The following GOLGA3 variants were observed in gnomAD, a reference collection of about 807,000 sequenced individuals.
GOLGA3 encodes golgin A3.
GOLGA3 carries 75 observed loss-of-function variants against 169.4 expected under a neutral mutation model. That is an observed-to-expected ratio of 0.44 (90% CI 0.37 to 0.54). The LOEUF (loss-of-function observed/expected upper bound fraction) is 0.54, where lower values mean the gene tolerates loss of function less well. Among genes scored for constraint, GOLGA3 ranks in the 20% least tolerant of loss-of-function variants. GOLGA3 has a pLI of 0.00. For missense variants in GOLGA3, 1,899 were observed against 1,930.0 expected (o/e 0.98, Z 0.30); for synonymous variants, 824 against 822.4 (o/e 1.00, Z -0.03).
intron 21 of GOLGA3, among the ~76,000 whole-genome samples, chr12:132,775,950 AGCGCG>A (rs1282942627): frequency 6.6e-6 from 1 of 152,232 alleles, no homozygotes; most frequent in Non-Finnish European, 1.5e-5. Context: ...CGTGACACAC[AGCGCG>A]GCCAAGGGAT....
chr12:132,825,103 T>C (rs2136822705), intron 1 of GOLGA3, among the ~76,000 whole-genome samples: 1 of 152,152 alleles, frequency 6.6e-6, no homozygotes, highest in East Asian at 1.9e-4. Context: ...CTCTTGAAAA[T>C]TTCCTAGCAA....
In GOLGA3 at chr12:132,795,903, C is replaced by T. The variant is rs1394250136; in HGVS notation, c.2418G>A (p.Thr806=). ...ARRLEEGTEE[T]SETLEKLREE... ...CTCTTAACTTCTCTAAAGTTTCCGA[C>T]GTTTCCTCGGTACCTTCTTCCAAGC... Residue 806 remains threonine, a synonymous_variant, in exon 11 of 24, where the codon ACG becomes ACA. Coordinates refer to ENST00000450791, the MANE Select transcript of GOLGA3 (RefSeq NM_001389683.1). 12 of 1,614,124 alleles carry T rather than the reference C, an allele frequency of 7.4e-6. No individual in the cohort carries two copies. Among genetic ancestry groups the T allele is most frequent in the African/African-American group, 2.7e-5 (2 of 75,062 alleles).
intron 21 of GOLGA3, among the ~76,000 whole-genome samples, chr12:132,775,782 A>G (rs2045192394): frequency 6.6e-6 from 1 of 152,214 alleles, no homozygotes; most frequent in Admixed American, 6.5e-5. Flanking sequence ...ACTGTAACTC[A>G]AGCCCCTCAT....
intron 1 of GOLGA3, chr12:132,825,939 T>C: frequency 1.1e-6 from 1 of 951,666 alleles, no homozygotes; most frequent in Admixed American, 1.7e-5. Context: ...GTGACCAAGA[T>C]GAAGACGCAG....
Position 132,822,241 on chromosome 12 carries a change from T to G in GOLGA3, c.-113A>C. ...AGCTCCTGGGAGGGGCCCTACTGTG[T>G]CTCCCATTTTCAGGAGAAGATCTGA... is the stretch of plus-strand genomic sequence containing the variant. On this transcript the variant is annotated 5_prime_UTR_variant, in exon 2 of 24. Coordinates refer to ENST00000450791, the MANE Select transcript of GOLGA3 (RefSeq NM_001389683.1). 1.4e-6 allele frequency: 2 copies of G among 1,425,654 alleles called. No individual in the cohort carries two copies. The highest frequency in any genetic ancestry group is 1.8e-6 in the Non-Finnish European group (2 of 1,096,802). 88.3% of individuals were successfully genotyped at this position (1,425,654 alleles called of 1,614,324 possible).
chr12:132,815,018 A>G (rs1052190289), intron 3 of GOLGA3, among the ~76,000 whole-genome samples: 1 of 152,220 alleles, frequency 6.6e-6, no homozygotes, highest in Non-Finnish European at 1.5e-5. Flanking sequence ...AACGCTTTAC[A>G]CATGACACCC....
At chr12:132,818,086 C>T (rs1258627061) in intron 2 of GOLGA3, among the ~76,000 whole-genome samples, 2 of 147,198 alleles carry the variant, frequency 1.4e-5, no homozygotes, top group African/African-American at 2.5e-5. Flanking sequence ...TCCACACCTC[C>T]ACGCTCTAAG....
chr12:132,816,150 A>T (rs965791388), intron 3 of GOLGA3, among the ~76,000 whole-genome samples: 2 of 152,224 alleles, frequency 1.3e-5, no homozygotes, highest in African/African-American at 4.8e-5. Flanking sequence ...GTGAGCCGAG[A>T]CAGCGCCACT....
Position 132,822,174 on chromosome 12 carries a change from A to G in GOLGA3, c.-46T>C, listed in dbSNP as rs1369448629. 3.2e-6 allele frequency: 5 copies of G among 1,566,192 alleles called. No individual in the cohort carries two copies. The highest frequency in any genetic ancestry group is 3.4e-6 in the Non-Finnish European group (4 of 1,164,338). On this transcript the variant is annotated 5_prime_UTR_variant, in exon 2 of 24. Transcript: ENST00000450791. Reference sequence around the variant, plus strand: ...AGCTGACGCTGAGGGGCTACAAGTGAACCTTGGACAAGCTTGGCTTCTGCC... The same window carrying G: ...AGCTGACGCTGAGGGGCTACAAGTGGACCTTGGACAAGCTTGGCTTCTGCC...
rs539986041 is a variant in GOLGA3 at position 132,801,975 on chromosome 12, A to G, written c.1598-6T>C. On this transcript the variant is annotated splice_polypyrimidine_tract_variant and splice_region_variant and intron_variant, in intron 7 of 23. Transcript: ENST00000450791. ...CTGCTGTCGCAGGTCGTGCACTGAA[A>G]TGGGGCAAGCACAGCGGCTCAGGCC... The G allele has an allele frequency of 5.0e-6, 8 of 1,594,430 alleles. No homozygotes were observed. Among genetic ancestry groups the G allele is most frequent in the South Asian group, 2.2e-5 (2 of 90,948 alleles).
intron 12 of GOLGA3, 77 bp from the exon 13 acceptor site, chr12:132,789,367 A>C (rs2046103708): frequency 7.7e-7 from 1 of 1,300,812 alleles, no homozygotes; most frequent in Admixed American, 2.6e-5. Context: ...AGCTGGCTTC[A>C]ACAAAAATGT....
At chr12:132,797,849 G>T (rs1482943420) in intron 9 of GOLGA3, among the ~76,000 whole-genome samples, 1 of 152,254 alleles carries the variant, frequency 6.6e-6, no homozygotes, top group African/African-American at 2.4e-5. Context: ...CCTCGACAGC[G>T]TGTGGTTGCT....
chr12:132,794,078 C>T (rs1235933328), intron 11 of GOLGA3, among the ~76,000 whole-genome samples: 2 of 152,142 alleles, frequency 1.3e-5, no homozygotes, highest in Admixed American at 1.3e-4. Flanking sequence ...TCATCCGTTC[C>T]GATGATCCTC....
rs142329713 is a variant in GOLGA3, at chr12:132,795,932, T to G, written c.2389A>C (p.Arg797=). The G allele has an allele frequency of 1.2e-6, 2 of 1,614,054 alleles. No homozygotes were observed. The highest frequency in any genetic ancestry group is 4.5e-5 in the East Asian group (2 of 44,894). Residue 797 remains arginine, a synonymous_variant, in exon 11 of 24, where the codon AGA becomes CGA. Coordinates refer to ENST00000450791, the MANE Select transcript of GOLGA3 (RefSeq NM_001389683.1). ...SGKEELDRGA[R]RLEEGTEETS... ...TCCTCGGTACCTTCTTCCAAGCGTC[T>G]TGCTCCTCTGTCAAGCTCCTCCTTG...
chr12:132,800,101 G>A (rs772501561), intron 8 of GOLGA3, among the ~76,000 whole-genome samples: 28 of 152,250 alleles, frequency 1.8e-4, no homozygotes, highest in Non-Finnish European at 2.8e-4. Context: ...TCATATAAAT[G>A]CACTGCAGCT....
In GOLGA3 at chr12:132,807,247, A is replaced by T. The variant is rs144612495; in HGVS notation, c.1220T>A (p.Met407Lys). Residue 407 changes from methionine to lysine, a missense_variant, in exon 6 of 24, where the codon ATG (methionine) becomes AAG (lysine). Transcript: ENST00000450791. ...ESSAAETQEE[M>K]LQVLKEKMRL... ...CATTTTCTCTTTGAGCACCTGCAGC[A>T]TCTCCTCCTGTGTTTCTGCTGCAGA... The T allele has an allele frequency of 1.2e-4, 185 of 1,598,240 alleles. 1 individual carries two copies. In the East Asian group the frequency reaches 3.5e-3, roughly 30 times the overall value.
intron 17 of GOLGA3, among the ~76,000 whole-genome samples, chr12:132,781,932 AACTAAGCAGGTCTGCCCCCCG>A (rs1044104985): frequency 4.0e-5 from 6 of 149,004 alleles, no homozygotes; most frequent in African/African-American, 7.7e-5. Context: ...TCTGCCCCCC[AACTAAGCAGGTCTGCCCCCCG>A]ACTAAGCAGG....
intron 1 of GOLGA3, among the ~76,000 whole-genome samples, chr12:132,823,096 C>G (rs1018694582): frequency 6.6e-6 from 1 of 152,196 alleles, no homozygotes; most frequent in African/African-American, 2.4e-5. Context: ...TAACTCTATA[C>G]AGGGTGTACA....
intron 2 of GOLGA3, among the ~76,000 whole-genome samples, chr12:132,817,191 A>T (rs1365412712): frequency 2.5e-4 from 26 of 105,322 alleles, no homozygotes; most frequent in East Asian, 8.8e-4. Context: ...CGCCCTCCAC[A>T]CCTCCACGCT....
Sources: gnomAD v4.1 joint callset for allele counts (sites outside exome capture counted in the v4.1 genomes callset) on GRCh38, gnomAD v4.1.1 for gene constraint, MANE v1.5 for transcripts, NCBI Gene and HGNC (gene_info 2026-07-23, HGNC 2026-07-21) for gene names.